RSPH9: variants seen among roughly 807,000 people sequenced by gnomAD.
RSPH9 encodes the protein radial spoke head component 9, also known as radial spoke head protein 9 homolog.
A neutral mutation model predicts 27.0 loss-of-function variants in RSPH9; 27 were observed. That is an observed-to-expected ratio of 1.00 (90% CI 0.74 to 1.38). The LOEUF (loss-of-function observed/expected upper bound fraction) is 1.38, where lower values mean the gene tolerates loss of function less well. Ranked by LOEUF, RSPH9 falls within the 40% of genes most tolerant of loss-of-function variation. The pLI is 0.00. For missense variants in RSPH9, 347 were observed against 357.4 expected (o/e 0.97, Z 0.24); for synonymous variants, 145 against 147.7 (o/e 0.98, Z 0.13).
intron 1 of RSPH9, among the ~76,000 whole-genome samples, chr6:43,647,554 A>G (rs1561936319): frequency 6.6e-6 from 1 of 152,202 alleles, no homozygotes; most frequent in Non-Finnish European, 1.5e-5. Context: ...GGAGAGGTTA[A>G]GGCTGACCCC....
chr6:43,662,869 T>G (rs1195885783), intron 4 of RSPH9, among the ~76,000 whole-genome samples: 3 of 152,154 alleles, frequency 2.0e-5, no homozygotes, highest in Admixed American at 1.3e-4. Flanking sequence ...TGATCATAAC[T>G]CATTGTAACT....
intron 3 of RSPH9, 57 bp downstream of exon 3, chr6:43,655,748 G>C (rs1771936259): frequency 6.3e-7 from 1 of 1,598,770 alleles, no homozygotes; most frequent in African/African-American, 1.3e-5. Flanking sequence ...AAGCACAGTA[G>C]AACATATGTC....
Position 43,670,835 on chromosome 6 carries a change from G to A in RSPH9, c.717G>A (p.Leu239=). 1 of 1,614,222 alleles carries A rather than the reference G, an allele frequency of 6.2e-7. No individual in the cohort carries two copies. The highest frequency in any genetic ancestry group is 8.5e-7 in the Non-Finnish European group (1 of 1,180,050). Reference sequence around the variant, plus strand: ...AGAGGGGCAATGCCCTGGTGGTGCTGCGCAGCCTGCTCTGGCCGGGCCTCA... The same window carrying A: ...AGAGGGGCAATGCCCTGGTGGTGCTACGCAGCCTGCTCTGGCCGGGCCTCA... The part of the protein sequence containing the change: ...QMERGNALVV[L]RSLLWPGLTF... Residue 239 remains leucine, a synonymous_variant, in exon 5 of 5, where the codon CTG becomes CTA. Transcript: ENST00000372163.
Position 43,671,713 on chromosome 6 carries a change from CT to C in RSPH9, c.*765del, listed in dbSNP as rs753338682. 4.7e-5 allele frequency: 75 copies of C among 1,611,474 alleles called. No homozygotes were observed. The highest frequency in any genetic ancestry group is 6.0e-5 in the Non-Finnish European group (71 of 1,178,278). ...GGCCAAGGGCTTGTGAGTGGGCCTC[CT>C]ACTCCCCAGCACAGGTGCAGGAGGA... On this transcript the variant is annotated 3_prime_UTR_variant, in exon 5 of 5. Transcript: ENST00000372163.
At chr6:43,669,609 G>A (rs997551328) in intron 4 of RSPH9, among the ~76,000 whole-genome samples, 1 of 152,248 alleles carries the variant, frequency 6.6e-6, no homozygotes. Flanking sequence ...ATGGCTGGCT[G>A]GTCCAACACC....
chr6:43,645,921 T>C (rs944251334), intron 1 of RSPH9, among the ~76,000 whole-genome samples: 1 of 152,096 alleles, frequency 6.6e-6, no homozygotes, highest in Non-Finnish European at 1.5e-5. Flanking sequence ...GAAAATTCCC[T>C]GGTCACTACC....
intron 2 of RSPH9, among the ~76,000 whole-genome samples, chr6:43,651,949 T>A (rs763009415): frequency 6.6e-6 from 1 of 152,102 alleles, no homozygotes; most frequent in African/African-American, 2.4e-5. Flanking sequence ...AGCTTCACCA[T>A]GTCCTAAGAG....
At chr6:43,663,099 T>C (rs1346569395) in intron 4 of RSPH9, among the ~76,000 whole-genome samples, 1 of 152,208 alleles carries the variant, frequency 6.6e-6, no homozygotes, top group Non-Finnish European at 1.5e-5. Context: ...TGCCTGGCTC[T>C]ATCTCAGCTT....
chr6:43,648,335 T>A (rs1313852570), intron 1 of RSPH9, among the ~76,000 whole-genome samples: 3 of 152,072 alleles, frequency 2.0e-5, no homozygotes, highest in African/African-American at 7.2e-5. Context: ...ATAGCCTCTT[T>A]GATAAGGTCA....
chr6:43,659,584 G>A (rs1216192868), intron 4 of RSPH9, among the ~76,000 whole-genome samples: 3 of 151,610 alleles, frequency 2.0e-5, no homozygotes, highest in East Asian at 3.9e-4. Flanking sequence ...GGGTTTCACT[G>A]TGTTAGCCAG....
intron 1 of RSPH9, among the ~76,000 whole-genome samples, chr6:43,649,653 G>C (rs1446523262): frequency 6.6e-6 from 1 of 152,044 alleles, no homozygotes; most frequent in Non-Finnish European, 1.5e-5. Flanking sequence ...GAGTGCTCCC[G>C]AAGGCCTCAG....
chr6:43,657,293 A>G (rs1172495200), intron 4 of RSPH9, among the ~76,000 whole-genome samples: 1 of 152,210 alleles, frequency 6.6e-6, no homozygotes, highest in African/African-American at 2.4e-5. Context: ...AATGAGAGGG[A>G]TCTAATGATG....
intron 4 of RSPH9, among the ~76,000 whole-genome samples, chr6:43,662,041 C>G (rs1772682668): frequency 6.6e-6 from 1 of 152,160 alleles, no homozygotes; most frequent in Non-Finnish European, 1.5e-5. Flanking sequence ...GTGTGTGCCA[C>G]CATGCCTGGC....
intron 2 of RSPH9, among the ~76,000 whole-genome samples, chr6:43,653,338 T>C (rs2127900228): frequency 6.7e-6 from 1 of 150,176 alleles, no homozygotes; most frequent in South Asian, 2.1e-4. Flanking sequence ...TCCCAGCTAC[T>C]CGGGAGGCTG....
chr6:43,664,748 G>C (rs60491643), intron 4 of RSPH9, among the ~76,000 whole-genome samples: 1,884 of 152,298 alleles, frequency 0.012, 35 homozygotes, highest in African/African-American at 0.042. Flanking sequence ...CAAGTAGGGG[G>C]ATATGAAGAG....
intron 4 of RSPH9, among the ~76,000 whole-genome samples, chr6:43,662,097 C>T (rs1317648222): frequency 6.6e-6 from 1 of 151,738 alleles, no homozygotes; most frequent in Non-Finnish European, 1.5e-5. Flanking sequence ...CCAGGCTGGC[C>T]CCAACCCCTG....
At chr6:43,652,344 A>G (rs1022646592) in intron 2 of RSPH9, among the ~76,000 whole-genome samples, 2 of 151,886 alleles carry the variant, frequency 1.3e-5, no homozygotes, top group African/African-American at 4.8e-5. Context: ...CATGTTATAC[A>G]CATGATTCTG....
At chr6:43,650,861 C>T (rs1217052522) in intron 2 of RSPH9, among the ~76,000 whole-genome samples, 11 of 149,044 alleles carry the variant, frequency 7.4e-5, no homozygotes, top group Non-Finnish European at 1.3e-4. Context: ...GCTGAGATCG[C>T]GCCACTGCAC....
At chr6:43,654,634 C>T (rs1318529449) in intron 2 of RSPH9, among the ~76,000 whole-genome samples, 1 of 152,018 alleles carries the variant, frequency 6.6e-6, no homozygotes, top group Non-Finnish European at 1.5e-5. Context: ...ACCAGCCTGG[C>T]CAACATGGTG....
Sources: gnomAD v4.1 joint callset for allele counts (sites outside exome capture counted in the v4.1 genomes callset) on GRCh38, gnomAD v4.1.1 for gene constraint, MANE v1.5 for transcripts, NCBI Gene and HGNC (gene_info 2026-07-23, HGNC 2026-07-21) for gene names.